Variants in IQSEC1 observed in about 807,000 individuals in gnomAD.
IQSEC1 encodes IQ motif and Sec7 domain ArfGEF 1, also known as IQ motif and SEC7 domain-containing protein 1.
In IQSEC1, 31 loss-of-function variants were observed where a neutral mutation model predicts 91.0. The observed-to-expected ratio is 0.34, with a 90% CI of 0.26 to 0.46. The LOEUF (loss-of-function observed/expected upper bound fraction) is 0.46. Among genes scored for constraint, IQSEC1 ranks in the 20% least tolerant of loss-of-function variants. The pLI is 1.00. For missense variants in IQSEC1, 1,388 were observed against 1,575.6 expected, an observed-to-expected ratio of 0.88 and a Z score of 2.02; for synonymous variants, 699 against 662.6, an observed-to-expected ratio of 1.05 and a Z score of -0.84.
chr3:12,909,345 G>A lies in IQSEC1; in HGVS notation c.2506C>T (p.Arg836Trp), dbSNP rs371733963. 9 of 1,614,066 alleles carry A rather than the reference G, an allele frequency of 5.6e-6. No homozygotes were observed. Among genetic ancestry groups the A allele is most frequent in the South Asian group, 4.4e-5 (4 of 91,092 alleles). ...CGCAGGTCATCGGTGAATTTCTTCC[G>A]GTCTTGAGGGTTGGGGGCGTTGAAG... ...INFNAPNPQD[R>W]KKFTDDLRES... is the part of the protein sequence containing the mutation. The change falls in exon 11 of 14, where the codon CGG (arginine) becomes TGG (tryptophan). Residue 836 changes from arginine (R) to tryptophan (W), a missense_variant. This residue lies in a region of IQSEC1 where 1,059 missense variants were observed against 1,317.8 expected (regional missense o/e 0.80). Coordinates refer to ENST00000613206, the MANE Select transcript of IQSEC1 (RefSeq NM_001134382.3). The surrounding 1 kb of genome is among the most constrained non-coding windows in gnomAD (Gnocchi z 4.9).
rs564547956 is a variant in IQSEC1, at chr3:13,022,544, C to T, written c.23+50448G>A. 2.6e-5 allele frequency: 22 copies of T among 843,608 alleles called. No individual in the cohort carries two copies. The Admixed American group carries it at 4.3e-4, about 17-fold the overall frequency. 52.3% of individuals were successfully genotyped at this position (843,608 alleles called of 1,614,324 possible). ...CAGCTGCCGGAGCCCAGGGGCTGGC[C>T]CTGCGTCCAGAGGCTGGCCTGGGAT... On this transcript the variant is annotated intron_variant, in intron 1 of 13. Transcript: ENST00000613206.
In IQSEC1 at chr3:12,898,752, C is replaced by G. The variant is rs1559587863; in HGVS notation, c.*2231G>C. 6.5e-6 allele frequency: 1 copy of G among 152,964 alleles called. No individual in the cohort carries two copies. The highest frequency in any genetic ancestry group is 1.5e-5 in the Non-Finnish European group (1 of 68,536). 9.5% of individuals were successfully genotyped at this position (152,964 alleles called of 1,614,324 possible). On this transcript the variant is annotated 3_prime_UTR_variant, in exon 14 of 14. Transcript: ENST00000613206. ...TACTTCAACGATGTGTTTACAGTCA[C>G]GCCAATACATTTTGCAAACGCACAA... is the stretch of plus-strand genomic sequence containing the variant.
At chr3:12,993,293 A>G (rs139428515) in intron 1 of IQSEC1, among the ~76,000 whole-genome samples, 48 of 152,332 alleles carry the variant, frequency 3.2e-4, no homozygotes, top group Non-Finnish European at 6.5e-4. Flanking sequence ...AGGCAGGGAC[A>G]GGGCCAGGTT....
intron 1 of IQSEC1, among the ~76,000 whole-genome samples, chr3:13,179,068 C>G (rs1328762863): frequency 2.0e-5 from 3 of 152,164 alleles, no homozygotes; most frequent in African/African-American, 7.2e-5. Flanking sequence ...CATTTCCTCC[C>G]TGCTACATAA....
At chr3:13,042,967 C>T (rs950695078) in intron 1 of IQSEC1, among the ~76,000 whole-genome samples, 2 of 152,180 alleles carry the variant, frequency 1.3e-5, no homozygotes, top group Non-Finnish European at 2.9e-5. Flanking sequence ...CGAGGGAAAA[C>T]TCACCATGTA....
intron 1 of IQSEC1, among the ~76,000 whole-genome samples, chr3:13,167,790 G>C (rs1351946184): frequency 1.3e-5 from 2 of 152,228 alleles, no homozygotes; most frequent in African/African-American, 4.8e-5. Flanking sequence ...TTCGCCATGT[G>C]TGCAGCCCCT....
intron 2 of IQSEC1, 73 bp from the exon 3 acceptor site, chr3:12,936,770 A>G: frequency 1.4e-6 from 2 of 1,401,788 alleles, no homozygotes; most frequent in Non-Finnish European, 1.9e-6. Context: ...ACTCCTTCCC[A>G]CTTCCTAGCC....
chr3:13,066,133 A>G lies in IQSEC1; in HGVS notation c.23+6859T>C, dbSNP rs145989431. Among the ~76,000 whole-genome samples, 562 of 152,312 alleles carry G rather than the reference A, an allele frequency of 3.7e-3. 1 individual carries two copies. Among genetic ancestry groups the G allele is most frequent in the African/African-American group, 0.013 (539 of 41,566 alleles). ...CACAGAGCCCTGTTTGGGAAAGTGA[A>G]GTTCTGGAGATGGATGCTGTGTTGG... On this transcript the variant is annotated intron_variant, in intron 1 of 13. Transcript: ENST00000613206.
At chr3:12,937,469 G>T (rs1698304067) in intron 2 of IQSEC1, among the ~76,000 whole-genome samples, 2 of 152,236 alleles carry the variant, frequency 1.3e-5, no homozygotes, top group Admixed American at 6.5e-5. Flanking sequence ...TGGCCAGATG[G>T]GTCACTGAGC....
chr3:13,165,905 C>T (rs1020195111), intron 1 of IQSEC1, among the ~76,000 whole-genome samples: 3 of 152,302 alleles, frequency 2.0e-5, no homozygotes, highest in Non-Finnish European at 2.9e-5. Context: ...AACCGGGCCC[C>T]GCTTACGGAC....
chr3:13,076,981 T>C (rs1334639319), upstream of IQSEC1, among the ~76,000 whole-genome samples: 1 of 151,698 alleles, frequency 6.6e-6, no homozygotes, highest in Non-Finnish European at 1.5e-5. Flanking sequence ...ATAGGAAGTA[T>C]TACATAGACC....
At chr3:12,915,883 G>A (rs977280547) in intron 6 of IQSEC1, 150 bp from the exon 7 acceptor site, 1 of 913,552 alleles carries the variant, frequency 1.1e-6, no homozygotes, top group African/African-American at 1.7e-5. Context: ...GACATTTTCA[G>A]TCAACACAAA....
At chr3:13,204,609 C>A (rs1238029566) in intron 1 of IQSEC1, among the ~76,000 whole-genome samples, 1 of 152,198 alleles carries the variant, frequency 6.6e-6, no homozygotes, top group Non-Finnish European at 1.5e-5. Context: ...TCGGGGAGAT[C>A]GCCCGGGATT....
chr3:13,099,103 G>A (rs992739467), intron 2 of IQSEC1, among the ~76,000 whole-genome samples: 9 of 152,204 alleles, frequency 5.9e-5, no homozygotes, highest in African/African-American at 1.9e-4. Context: ...CCTGGGCTGA[G>A]CTACAGGTCC....
intron 1 of IQSEC1, among the ~76,000 whole-genome samples, chr3:12,989,686 G>A (rs1701899772): frequency 6.6e-6 from 1 of 152,174 alleles, no homozygotes; most frequent in Admixed American, 6.5e-5. Context: ...AGCTTACCAC[G>A]ATCTGTGGGA....
intron 1 of IQSEC1, among the ~76,000 whole-genome samples, chr3:13,004,397 G>A (rs1173492603): frequency 3.3e-5 from 5 of 152,140 alleles, no homozygotes; most frequent in South Asian, 2.1e-4. Flanking sequence ...GCTGGGGGCC[G>A]GGGGAGCGCT....
At chr3:13,264,654 C>T (rs538779913) in intron 1 of IQSEC1, among the ~76,000 whole-genome samples, 2 of 152,184 alleles carry the variant, frequency 1.3e-5, no homozygotes, top group African/African-American at 4.8e-5. Context: ...GTAGGCCTGG[C>T]AGGCTCGCGA....
At chr3:13,114,850 G>T (rs931204598) in intron 2 of IQSEC1, among the ~76,000 whole-genome samples, 1 of 152,018 alleles carries the variant, frequency 6.6e-6, no homozygotes, top group South Asian at 2.1e-4. Flanking sequence ...GATGGGTGAC[G>T]GGTGCCAAAG....
chr3:13,148,563 T>C lies in IQSEC1; in HGVS notation c.302+15541A>G, dbSNP rs373017072. On this transcript the variant is annotated intron_variant, in intron 2 of 15. Transcript: ENST00000648114. ...GTTTATGGGTTTTTGTTTTGTTTTG[T>C]TTTTGGTATGAAATGGGATTTGGCC... is the stretch of plus-strand genomic sequence containing the variant. 5.3e-5 allele frequency among the ~76,000 whole-genome samples: 8 copies of C among 152,360 alleles called. No individual in the cohort carries two copies. In the South Asian group the frequency reaches 1.7e-3, roughly 32 times the overall value.
Sources: allele counts gnomAD v4.1 joint callset (sites outside exome capture counted in the v4.1 genomes callset), GRCh38; gene constraint gnomAD v4.1.1; regional missense constraint gnomAD v4.1.1; non-coding constraint Gnocchi (gnomAD v3.1); transcripts MANE v1.5; gene names NCBI Gene and HGNC (gene_info 2026-07-23, HGNC 2026-07-21).